The following TOR4A variants were observed in gnomAD, a reference collection of about 807,000 sequenced individuals.
TOR4A encodes torsin family 4 member A.
A neutral mutation model predicts 11.5 loss-of-function variants in TOR4A; 12 were observed. The ratio of observed to expected loss-of-function variants is 1.04; its 90% CI spans 0.67 to 1.69. TOR4A has a LOEUF of 1.69. Among genes scored for constraint, TOR4A ranks in the 40% most tolerant of loss-of-function variants. TOR4A has a pLI of 0.00. For synonymous variants in TOR4A, 362 were observed against 307.4 expected (o/e 1.18, Z -1.86); for missense variants, 640 against 643.2 (o/e 0.99, Z 0.05).
chr9:137,278,652 G>T lies in TOR4A; in HGVS notation c.-37-1G>T. 7.7e-7 allele frequency: 1 copy of T among 1,292,288 alleles called. No homozygotes were observed. The allele number at this position is 1,292,288 out of a possible 1,614,324, so 80.1% of individuals were successfully genotyped here. On this transcript the variant is annotated splice_acceptor_variant, in intron 1 of 1. Coordinates refer to ENST00000357503, the MANE Select transcript of TOR4A (RefSeq NM_017723.3). LOFTEE classifies it low-confidence loss of function (5UTR_SPLICE). ...AGACCCTCCCCGTCTTCCCGTTGCA[G>T]GGAGGGCGACCTGTATGCGGAGCGC...
At position 137,280,052 on chromosome 9, in the gene TOR4A, A is replaced by C. The variant is rs1165364791; in HGVS notation, c.*91A>C. The C allele has an allele frequency of 7.2e-7, 1 of 1,387,522 alleles. No individual in the cohort carries two copies. Among genetic ancestry groups the C allele is most frequent in the African/African-American group, 1.5e-5 (1 of 68,510 alleles). The allele number at this position is 1,387,522 out of a possible 1,614,324, so 86.0% of individuals were successfully genotyped here. On this transcript the variant is annotated 3_prime_UTR_variant, in exon 2 of 2. Transcript: ENST00000357503. The stretch of plus-strand genomic sequence containing the variant: ...GCTGGTGCAGGCCCCTGAGGTTTCT[A>C]GTGAATTTGTGGCTGCCCGGCTGGT...
In TOR4A at chr9:137,279,161, C is replaced by T; in HGVS notation, c.472C>T (p.Gln158Ter). The change falls in exon 2 of 2, where the codon CAG (glutamine) becomes TAG (stop). Residue 158 changes from glutamine to a stop codon, truncating the protein, a stop_gained. Transcript: ENST00000357503. LOFTEE classifies it high-confidence loss of function. Reference sequence around the variant, plus strand: ...CCTCGACGGGCTGGAGAAAGCGCTGCAGCGCGCGGTGTTCGGCCAGCCCGC... The same window carrying T: ...CCTCGACGGGCTGGAGAAAGCGCTGTAGCGCGCGGTGTTCGGCCAGCCCGC... ...YDLDGLEKAL[Q>*]RAVFGQPAAV... is the part of the protein sequence containing the mutation. The T allele has an allele frequency of 6.4e-7, 1 of 1,566,420 alleles. No individual in the cohort carries two copies. The highest frequency in any genetic ancestry group is 2.4e-5 in the East Asian group (1 of 41,940).
chr9:137,280,163 G>A lies in TOR4A; in HGVS notation c.*202G>A, dbSNP rs1830698029. On this transcript the variant is annotated 3_prime_UTR_variant, in exon 2 of 2. Transcript: ENST00000357503. ...TGTCCCTGGGGGCGGCAGGACAGCAGCCACCTCCCTCCCAAACTTGCCCAT... is the reference window on the plus strand; with the variant it reads ...TGTCCCTGGGGGCGGCAGGACAGCAACCACCTCCCTCCCAAACTTGCCCAT... 2 of 644,052 alleles carry A rather than the reference G, an allele frequency of 3.1e-6. No homozygotes were observed. The highest frequency in any genetic ancestry group is 5.4e-6 in the Non-Finnish European group (2 of 369,578). 39.9% of individuals were successfully genotyped at this position (644,052 alleles called of 1,614,324 possible).
At position 137,279,215 on chromosome 9, in the gene TOR4A, C is replaced by A; in HGVS notation, c.526C>A (p.Arg176=). The A allele has an allele frequency of 6.5e-7, 1 of 1,545,764 alleles. No individual in the cohort carries two copies. Among genetic ancestry groups the A allele is most frequent in the Non-Finnish European group, 8.7e-7 (1 of 1,145,554 alleles). The change falls in exon 2 of 2, where the codon CGG becomes AGG. Residue 176 remains arginine (R), a synonymous_variant. Transcript: ENST00000357503. ...AAVSRIVALM[R]DYLATHVHSR... is the part of the protein sequence containing the mutation. ...CGTATCGCGCATCGTGGCGCTGATG[C>A]GGGACTACCTGGCCACGCATGTGCA...
chr9:137,279,415 G>A lies in TOR4A; in HGVS notation c.726G>A (p.Glu242=). 6.5e-7 allele frequency: 1 copy of A among 1,534,312 alleles called. No individual in the cohort carries two copies. The highest frequency in any genetic ancestry group is 1.2e-5 in the South Asian group (1 of 83,558). Residue 242 remains glutamate (E), a synonymous_variant, in exon 2 of 2, where the codon GAG becomes GAA. Transcript: ENST00000357503. ...GCGCCGCACAGGACTGCCGCGAGGA[G>A]CTGGCGCGGCGCGTGGCCGACGTGG... ...EARAAQDCRE[E]LARRVADVVA...
rs1830727697 is a variant in TOR4A at position 137,282,181 on chromosome 9, A to C, written c.*2220A>C. ...ATCAAAAGGTCCAGACCTAAGGGGA[A>C]ATTTTATCTCTTTCTTTCTTTCTTT... is the stretch of plus-strand genomic sequence containing the variant. On this transcript the variant is annotated 3_prime_UTR_variant, in exon 2 of 2. Transcript: ENST00000357503. 1 of 166,852 alleles carries C rather than the reference A, an allele frequency of 6.0e-6. No homozygotes were observed. The highest frequency in any genetic ancestry group is 2.1e-4 in the South Asian group (1 of 4,816). The allele number at this position is 166,852 out of a possible 1,614,324, so 10.3% of individuals were successfully genotyped here.
At chr9:137,278,294 CTG>C (rs1401598664) in intron 1 of TOR4A, among the ~76,000 whole-genome samples, 1 of 152,174 alleles carries the variant, frequency 6.6e-6, no homozygotes, top group Admixed American at 6.5e-5. Context: ...CCGGGGGTGA[CTG>C]TTCACCCCAG....
rs1166147757 is a variant in TOR4A, at chr9:137,281,356, A to C, written c.*1395A>C. On this transcript the variant is annotated 3_prime_UTR_variant, in exon 2 of 2. Transcript: ENST00000357503. ...GGACTCCTCCGGCCCCGAGGCCTGA[A>C]CTCAGCCCGGAGACCGCGCCCACCA... The C allele has an allele frequency of 6.4e-6, 1 of 155,484 alleles. No individual in the cohort carries two copies. Among genetic ancestry groups the C allele is most frequent in the Non-Finnish European group, 1.5e-5 (1 of 67,994 alleles). The allele number at this position is 155,484 out of a possible 1,614,324, so 9.6% of individuals were successfully genotyped here.
rs1216964118 is a variant in TOR4A at position 137,282,595 on chromosome 9, G to A, written c.*2634G>A. 3.0e-5 allele frequency: 5 copies of A among 167,186 alleles called. No homozygotes were observed. The highest frequency in any genetic ancestry group is 2.1e-4 in the South Asian group (1 of 4,826). 10.4% of individuals were successfully genotyped at this position (167,186 alleles called of 1,614,324 possible). On this transcript the variant is annotated 3_prime_UTR_variant, in exon 2 of 2. Coordinates refer to ENST00000357503, the MANE Select transcript of TOR4A (RefSeq NM_017723.3). ...GCTGGGGTGGGGGCTGGTAATAAAC[G>A]AGGCCACAAATCATGCTTGTTAATA... is the stretch of plus-strand genomic sequence containing the variant.
chr9:137,281,448 G>T lies in TOR4A; in HGVS notation c.*1487G>T. 1 of 160,716 alleles carries T rather than the reference G, an allele frequency of 6.2e-6. No individual in the cohort carries two copies. The allele number at this position is 160,716 out of a possible 1,614,324, so 10.0% of individuals were successfully genotyped here. A position where few individuals can be genotyped will look rare whatever the true frequency, so the allele number is the denominator to read the frequency against. On this transcript the variant is annotated 3_prime_UTR_variant, in exon 2 of 2. Transcript: ENST00000357503. Reference sequence around the variant, plus strand: ...GAGGTCCTGCGGCTTCCCGGAGGGTGTCCTGTTCTCTCCCCCGCCTCGCAT... The same window carrying T: ...GAGGTCCTGCGGCTTCCCGGAGGGTTTCCTGTTCTCTCCCCCGCCTCGCAT...
Position 137,279,721 on chromosome 9 carries a change from G to C in TOR4A, c.1032G>C (p.Leu344=). Reference sequence around the variant, plus strand: ...CGGAAGAAGACCTGCGCGCCAGCCTGCTGGCTGTGCTGTCCCGGGAGCATC... The same window carrying C: ...CGGAAGAAGACCTGCGCGCCAGCCTCCTGGCTGTGCTGTCCCGGGAGCATC... The part of the protein sequence containing the change: ...AQAEEDLRAS[L]LAVLSREHPL... Residue 344 remains leucine, a synonymous_variant, in exon 2 of 2, where the codon CTG becomes CTC. Coordinates refer to ENST00000357503, the MANE Select transcript of TOR4A (RefSeq NM_017723.3). 11 of 1,574,784 alleles carry C rather than the reference G, an allele frequency of 7.0e-6. No homozygotes were observed. Among genetic ancestry groups the C allele is most frequent in the Non-Finnish European group, 9.4e-6 (11 of 1,166,950 alleles).
At chr9:137,278,575 T>C (rs1830673013) in intron 1 of TOR4A, 78 bp from the exon 2 acceptor site, 1 of 1,054,258 alleles carries the variant, frequency 9.5e-7, no homozygotes, top group Non-Finnish European at 1.2e-6. Flanking sequence ...GTAAGATCAC[T>C]CCGGGGACCG....
Position 137,280,521 on chromosome 9 carries a change from G to A in TOR4A, c.*560G>A, listed in dbSNP as rs1315677613. Reference sequence around the variant, plus strand: ...TCTTGACAGTAAGGGGAGGGGAGCGGAGGCGGAGGCGCCTCAGGCAGCCTC... The same window carrying A: ...TCTTGACAGTAAGGGGAGGGGAGCGAAGGCGGAGGCGCCTCAGGCAGCCTC... On this transcript the variant is annotated 3_prime_UTR_variant, in exon 2 of 2. Coordinates refer to ENST00000357503, the MANE Select transcript of TOR4A (RefSeq NM_017723.3). The A allele has an allele frequency of 6.4e-6, 1 of 156,066 alleles. No individual in the cohort carries two copies. Among genetic ancestry groups the A allele is most frequent in the Non-Finnish European group, 1.6e-5 (1 of 61,954 alleles). The allele number at this position is 156,066 out of a possible 1,614,324, so 9.7% of individuals were successfully genotyped here. A position where few individuals can be genotyped will look rare whatever the true frequency, so the allele number is the denominator to read the frequency against.
chr9:137,278,696 C>T lies in TOR4A; in HGVS notation c.7C>T (p.Arg3Cys), dbSNP rs865965605. 4.5e-6 allele frequency: 6 copies of T among 1,345,542 alleles called. No homozygotes were observed. The highest frequency in any genetic ancestry group is 3.8e-6 in the Non-Finnish European group (4 of 1,052,754). 83.4% of individuals were successfully genotyped at this position (1,345,542 alleles called of 1,614,324 possible). MD[R>C]GQPSLEPAAA... Reference sequence around the variant, plus strand: ...GGAGCGCCGTTCCTGCGACATGGACCGCGGCCAGCCCAGCCTGGAGCCTGC... The same window carrying T: ...GGAGCGCCGTTCCTGCGACATGGACTGCGGCCAGCCCAGCCTGGAGCCTGC... Residue 3 changes from arginine to cysteine, a missense_variant, in exon 2 of 2, where the codon CGC (arginine) becomes TGC (cysteine). Physicochemically the swap from Arg to Cys is radical, Grantham distance 180. Coordinates refer to ENST00000357503, the MANE Select transcript of TOR4A (RefSeq NM_017723.3).
chr9:137,281,993 C>T lies in TOR4A; in HGVS notation c.*2032C>T, dbSNP rs1483348138. The T allele has an allele frequency of 1.8e-5, 3 of 167,144 alleles. No individual in the cohort carries two copies. The highest frequency in any genetic ancestry group is 4.4e-5 in the Non-Finnish European group (3 of 68,204). 10.4% of individuals were successfully genotyped at this position (167,144 alleles called of 1,614,324 possible). On this transcript the variant is annotated 3_prime_UTR_variant, in exon 2 of 2. Transcript: ENST00000357503. ...CAGAGTGGGGGTGTGTTTGCCAGTC[C>T]CTGCATGGGTGAATGTTGGGGTGCC...
chr9:137,279,047 C>A lies in TOR4A; in HGVS notation c.358C>A (p.Gln120Lys). Residue 120 changes from glutamine (Q) to lysine (K), a missense_variant, in exon 2 of 2, where the codon CAG (glutamine) becomes AAG (lysine). Physicochemically the swap from Gln to Lys is moderately conservative, Grantham distance 53. Transcript: ENST00000357503. ...GCGCGTGGAGCACAGGAGCCGCGCG[C>A]AGCGCTGCCTTCTGCTGCTAGTCGC... ...RPRVEHRSRAQRCLLLLVAIV... is the reference protein window; with the variant it reads ...RPRVEHRSRAKRCLLLLVAIV... The A allele has an allele frequency of 1.9e-6, 3 of 1,604,248 alleles. No homozygotes were observed. Among genetic ancestry groups the A allele is most frequent in the Non-Finnish European group, 2.6e-6 (3 of 1,175,944 alleles).
rs763833242 is a variant in TOR4A at position 137,278,847 on chromosome 9, T to A, written c.158T>A (p.Val53Asp). Residue 53 changes from valine (V) to aspartate (D), a missense_variant, in exon 2 of 2, where the codon GTC becomes GAC. Coordinates refer to ENST00000357503, the MANE Select transcript of TOR4A (RefSeq NM_017723.3). Reference protein sequence around the residue: ...RLLQPGGGPDVGTGAPRPGCS... With the variant: ...RLLQPGGGPDDGTGAPRPGCS... ...CTGCAGCCGGGTGGGGGGCCCGACG[T>A]CGGGACCGGGGCGCCCAGGCCGGGC... The A allele has an allele frequency of 6.6e-7, 1 of 1,506,372 alleles. No individual in the cohort carries two copies. Among genetic ancestry groups the A allele is most frequent in the South Asian group, 1.2e-5 (1 of 80,014 alleles). 93.3% of individuals were successfully genotyped at this position (1,506,372 alleles called of 1,614,324 possible).
chr9:137,279,833 G>T lies in TOR4A; in HGVS notation c.1144G>T (p.Glu382Ter). 1 of 1,597,804 alleles carries T rather than the reference G, an allele frequency of 6.3e-7. No homozygotes were observed. ...VSCFRDEMAG[E>*]GFFPDQARAE... is the part of the protein sequence containing the mutation. ...CTGCTTCCGGGACGAGATGGCGGGTGAGGGCTTCTTTCCTGACCAGGCCCG... is the reference window on the plus strand; with the variant it reads ...CTGCTTCCGGGACGAGATGGCGGGTTAGGGCTTCTTTCCTGACCAGGCCCG... Residue 382 changes from glutamate (E) to a stop codon, truncating the protein, a stop_gained, in exon 2 of 2, where the codon GAG becomes TAG. Transcript: ENST00000357503. LOFTEE classifies it high-confidence loss of function.
intron 1 of TOR4A, among the ~76,000 whole-genome samples, chr9:137,278,425 G>T (rs965147557): frequency 6.6e-6 from 1 of 152,188 alleles, no homozygotes; most frequent in Middle Eastern, 3.4e-3. Context: ...GGGAAGACCC[G>T]AGAGATTTGC....
Sources: allele counts gnomAD v4.1 joint callset (sites outside exome capture counted in the v4.1 genomes callset), GRCh38; gene constraint gnomAD v4.1.1; transcripts MANE v1.5; gene names NCBI Gene and HGNC (gene_info 2026-07-23, HGNC 2026-07-21).